Variants in HCN1 observed in about 807,000 individuals in gnomAD.
The protein encoded by HCN1 is hyperpolarization activated cyclic nucleotide gated potassium channel 1.
In HCN1, 13 loss-of-function variants were observed where a neutral mutation model predicts 78.9. That is an observed-to-expected ratio of 0.16 (90% CI 0.11 to 0.26). The LOEUF is 0.26. Among genes scored for constraint, HCN1 ranks in the 10% least tolerant of loss-of-function variants. HCN1 has a pLI of 1.00. For missense variants in HCN1, 810 were observed against 1,154.3 expected (o/e 0.70, Z 4.32); for synonymous variants, 552 against 455.5 (o/e 1.21, Z -2.70).
intron 3 of HCN1, among the ~76,000 whole-genome samples, chr5:45,413,627 C>G (rs562883472): frequency 6.6e-6 from 1 of 151,986 alleles, no homozygotes; most frequent in South Asian, 2.1e-4. Context: ...TGAAAACTTT[C>G]AGAGGTAGAA....
In HCN1 at chr5:45,266,295, CT is replaced by C. The variant is rs888029968; in HGVS notation, c.1783+793del. On this transcript the variant is annotated intron_variant, in intron 7 of 7. Transcript: ENST00000303230. ...TCTATGTAGGGCATTACTATCAAGG[CT>C]TTTTTTTTCTGCTTGAGTCTATATT... Among the ~76,000 whole-genome samples the C allele has an allele frequency of 3.5e-4, 52 of 150,412 alleles. 1 individual carries two copies. Among genetic ancestry groups the C allele is most frequent in the African/African-American group, 1.1e-3 (46 of 40,982 alleles).
At chr5:45,545,312 A>C (rs1433786253) in intron 2 of HCN1, among the ~76,000 whole-genome samples, 1 of 151,940 alleles carries the variant, frequency 6.6e-6, no homozygotes, top group African/African-American at 2.4e-5. Context: ...TTTTCTTATA[A>C]ATTTGTTTAA....
At chr5:45,540,882 G>A (rs1426698389) in intron 2 of HCN1, among the ~76,000 whole-genome samples, 3 of 151,976 alleles carry the variant, frequency 2.0e-5, no homozygotes, top group Non-Finnish European at 4.4e-5. Flanking sequence ...ATTTTCAATC[G>A]CATGTTCTTA....
intron 5 of HCN1, among the ~76,000 whole-genome samples, chr5:45,337,153 C>T (rs982629797): frequency 6.6e-6 from 1 of 152,046 alleles, no homozygotes; most frequent in South Asian, 2.1e-4. Context: ...TTACCCCATC[C>T]TCCAAGTGAG....
intron 3 of HCN1, among the ~76,000 whole-genome samples, chr5:45,441,407 A>C (rs1475023707): frequency 7.4e-6 from 1 of 135,146 alleles, no homozygotes; most frequent in East Asian, 2.6e-4. Flanking sequence ...GAAAGAAGGA[A>C]GGAAGGGAGG....
chr5:45,670,441 T>C (rs1298806656), intron 1 of HCN1, among the ~76,000 whole-genome samples: 2 of 151,758 alleles, frequency 1.3e-5, no homozygotes, highest in Non-Finnish European at 2.9e-5. Context: ...AAGGAGCCTA[T>C]AAACATAGCA....
At chr5:45,565,526 A>C (rs1743689306) in intron 2 of HCN1, among the ~76,000 whole-genome samples, 1 of 152,176 alleles carries the variant, frequency 6.6e-6, no homozygotes, top group South Asian at 2.1e-4. Context: ...AGTGGTAAAA[A>C]TAATTAAGCA....
At chr5:45,284,073 T>C (rs753533974) in intron 6 of HCN1, among the ~76,000 whole-genome samples, 2 of 152,028 alleles carry the variant, frequency 1.3e-5, no homozygotes, top group South Asian at 2.1e-4. Flanking sequence ...TTATCACTTA[T>C]AAATGGAAGC....
chr5:45,399,933 A>G (rs939791727), intron 3 of HCN1, among the ~76,000 whole-genome samples: 9 of 152,004 alleles, frequency 5.9e-5, no homozygotes, highest in Non-Finnish European at 1.0e-4. Context: ...TCATGCAAAA[A>G]CTCTTATTTT....
In HCN1 at chr5:45,653,775, G is replaced by C. The variant is rs532836688; in HGVS notation, c.426-8167C>G. Among the ~76,000 whole-genome samples the C allele has an allele frequency of 1.2e-4, 19 of 152,112 alleles. 1 individual carries two copies. The East Asian group carries it at 3.3e-3, about 26-fold the overall frequency. On this transcript the variant is annotated intron_variant, in intron 1 of 7. Coordinates refer to ENST00000303230, the MANE Select transcript of HCN1 (RefSeq NM_021072.4). Reference sequence around the variant, plus strand: ...TCACACTCTGGGGACTATTGTGGGTGGGGGGAGAGGGGACGGATAGCATTG... The same window carrying C: ...TCACACTCTGGGGACTATTGTGGGTCGGGGGAGAGGGGACGGATAGCATTG...
chr5:45,496,064 T>G (rs1344704799), intron 2 of HCN1, among the ~76,000 whole-genome samples: 1 of 152,260 alleles, frequency 6.6e-6, no homozygotes, highest in East Asian at 1.9e-4. Context: ...AAAATTCTCT[T>G]TTTTGGTTGT....
intron 2 of HCN1, among the ~76,000 whole-genome samples, chr5:45,620,681 C>T (rs1745043274): frequency 6.6e-6 from 1 of 151,892 alleles, no homozygotes; most frequent in Non-Finnish European, 1.5e-5. Flanking sequence ...CAAATCTCAG[C>T]AAAATTCCAA....
At chr5:45,515,357 C>G in intron 2 of HCN1, among the ~76,000 whole-genome samples, 1 of 151,902 alleles carries the variant, frequency 6.6e-6, no homozygotes, top group South Asian at 2.1e-4. Flanking sequence ...TACCCAAAAG[C>G]ATCAATAAAG....
At chr5:45,580,282 A>T (rs1467291458) in intron 2 of HCN1, among the ~76,000 whole-genome samples, 3 of 152,096 alleles carry the variant, frequency 2.0e-5, no homozygotes, top group Non-Finnish European at 2.9e-5. Context: ...GTGAACAAGG[A>T]AGGCAGAAGA....
At chr5:45,399,015 T>C (rs1372215448) in intron 3 of HCN1, among the ~76,000 whole-genome samples, 2 of 152,200 alleles carry the variant, frequency 1.3e-5, no homozygotes, top group African/African-American at 4.8e-5. Flanking sequence ...ATGGGTATTG[T>C]CTTGGAATTT....
intron 6 of HCN1, among the ~76,000 whole-genome samples, chr5:45,280,302 TGAAG>T (rs1485740519): frequency 3.3e-5 from 5 of 152,172 alleles, no homozygotes; most frequent in Non-Finnish European, 7.4e-5. Context: ...CAAGTGAGAA[TGAAG>T]GAAGACTTGA....
intron 2 of HCN1, among the ~76,000 whole-genome samples, chr5:45,632,477 A>T (rs1362035069): frequency 6.6e-6 from 1 of 152,084 alleles, no homozygotes. Flanking sequence ...AAAAATTCAT[A>T]GTATTAGCAA....
At chr5:45,431,743 T>C (rs1471513344) in intron 3 of HCN1, among the ~76,000 whole-genome samples, 1 of 152,148 alleles carries the variant, frequency 6.6e-6, no homozygotes, top group African/African-American at 2.4e-5. Flanking sequence ...AAGATGATTA[T>C]AGGTGTGTAG....
intron 1 of HCN1, among the ~76,000 whole-genome samples, chr5:45,651,767 G>A (rs2337954): frequency 0.27 from 41,172 of 151,634 alleles, 5,694 homozygotes; most frequent in East Asian, 0.32. Flanking sequence ...AGTTTCATTG[G>A]CCAGGTTTGC....
Sources: allele counts gnomAD v4.1 joint callset (sites outside exome capture counted in the v4.1 genomes callset), GRCh38; gene constraint gnomAD v4.1.1; transcripts MANE v1.5; gene names NCBI Gene and HGNC (gene_info 2026-07-23, HGNC 2026-07-21).